Variants in EVI5 observed in about 807,000 individuals in gnomAD.
EVI5 encodes ecotropic viral integration site 5.
A neutral mutation model predicts 112.0 loss-of-function variants in EVI5; 73 were observed. The ratio of observed to expected loss-of-function variants is 0.65; its 90% CI spans 0.54 to 0.79. The LOEUF is 0.79. Among genes scored for constraint, EVI5 ranks in the 30% least tolerant of loss-of-function variants. The probability of loss-of-function intolerance (pLI) is 0.00; values close to 1 mark genes in which losing one functional copy is unlikely to be tolerated. For missense variants in EVI5, 900 were observed against 968.8 expected (o/e 0.93, Z 0.94); for synonymous variants, 305 against 319.9 (o/e 0.95, Z 0.50).
chr1:92,667,611 TATC>T (rs1665141144), intron 10 of EVI5, among the ~76,000 whole-genome samples: 1 of 152,174 alleles, frequency 6.6e-6, no homozygotes, highest in African/African-American at 2.4e-5. Flanking sequence ...CTTTATAAGT[TATC>T]TTTTCATTTT....
intron 18 of EVI5, among the ~76,000 whole-genome samples, chr1:92,598,689 T>C (rs1648480507): frequency 6.6e-6 from 1 of 152,176 alleles, no homozygotes; most frequent in Non-Finnish European, 1.5e-5. Flanking sequence ...TGTTCCCAAC[T>C]GAGCATTATA....
chr1:92,705,367 A>C (rs1671801110), intron 2 of EVI5, among the ~76,000 whole-genome samples: 1 of 152,198 alleles, frequency 6.6e-6, no homozygotes, highest in Admixed American at 6.5e-5. Context: ...GATTCTCTTG[A>C]AAAATAAAAA....
intron 9 of EVI5, 68 bp from the exon 10 acceptor site, chr1:92,677,286 T>C: frequency 1.2e-6 from 1 of 812,332 alleles, no homozygotes; most frequent in Non-Finnish European, 1.9e-6. Flanking sequence ...AATTACAAAA[T>C]TTAAAAATAC....
rs368291927 is a variant in EVI5 at position 92,551,681 on chromosome 1, G to A, written c.2166+11961C>T. On this transcript the variant is annotated intron_variant, in intron 19 of 19. Coordinates refer to ENST00000684568, the MANE Select transcript of EVI5 (RefSeq NM_001350197.2). ...TTATATTTCATTTTCTCATGTCTGC[G>A]ACCTAGTAAGAGTATGTTACCAGTA... Among the ~76,000 whole-genome samples the A allele has an allele frequency of 3.6e-4, 55 of 152,182 alleles. 1 individual carries two copies. The highest frequency in any genetic ancestry group is 1.2e-3 in the African/African-American group (51 of 41,502).
intron 1 of EVI5, among the ~76,000 whole-genome samples, chr1:92,757,606 GA>G (rs950161097): frequency 3.5e-5 from 5 of 144,070 alleles, no homozygotes; most frequent in East Asian, 4.0e-4. Context: ...TTTTTAAAAA[GA>G]AAAAAAAAAT....
At chr1:92,597,688 C>G (rs1648220313) in intron 18 of EVI5, among the ~76,000 whole-genome samples, 1 of 152,240 alleles carries the variant, frequency 6.6e-6, no homozygotes, top group African/African-American at 2.4e-5. Flanking sequence ...ATTCAAATAT[C>G]TACTGGTCAA....
At chr1:92,756,345 C>A in intron 1 of EVI5, 1 of 503,118 alleles carries the variant, frequency 2.0e-6, no homozygotes, top group South Asian at 1.5e-5. Context: ...AAACACTACA[C>A]AGCCAAATAT....
chr1:92,562,752 T>C (rs763658661), intron 19 of EVI5, among the ~76,000 whole-genome samples: 7 of 152,126 alleles, frequency 4.6e-5, no homozygotes, highest in Non-Finnish European at 1.0e-4. Context: ...CCAGGAGGTA[T>C]TACCCAAAAC....
At chr1:92,705,240 A>T (rs996623867) in intron 2 of EVI5, among the ~76,000 whole-genome samples, 8 of 152,228 alleles carry the variant, frequency 5.3e-5, no homozygotes, top group African/African-American at 1.9e-4. Context: ...GCCCAAACAA[A>T]AAGTATTTAT....
At chr1:92,761,043 G>A (rs900671674) in intron 1 of EVI5, among the ~76,000 whole-genome samples, 4 of 131,350 alleles carry the variant, frequency 3.0e-5, no homozygotes, top group African/African-American at 1.2e-4. Flanking sequence ...GGGCAACACA[G>A]CGAGGCTCCA....
chr1:92,527,619 C>T (rs1437366364), intron 19 of EVI5, among the ~76,000 whole-genome samples: 1 of 152,116 alleles, frequency 6.6e-6, no homozygotes, highest in Non-Finnish European at 1.5e-5. Flanking sequence ...AGAAGACTTC[C>T]ATGTGTCTTC....
At chr1:92,549,143 A>G (rs1666330941) in intron 19 of EVI5, among the ~76,000 whole-genome samples, 1 of 152,086 alleles carries the variant, frequency 6.6e-6, no homozygotes, top group Non-Finnish European at 1.5e-5. Flanking sequence ...CTGGTACCAA[A>G]ACAGAGATAT....
upstream of EVI5, chr1:92,785,109 A>C (rs1386344274): frequency 2.0e-5 from 20 of 985,184 alleles, no homozygotes; most frequent in Admixed American, 1.2e-3. Context: ...AGGAGAGCCC[A>C]AGGCGCAGGC....
At chr1:92,773,197 CA>C (rs34570423) in intron 1 of EVI5, among the ~76,000 whole-genome samples, 23 of 131,680 alleles carry the variant, frequency 1.7e-4, no homozygotes, top group African/African-American at 1.7e-4. Context: ...CAGGCTGTCT[CA>C]AAAAAAAAAA....
chr1:92,532,280 T>A (rs1174621939), intron 19 of EVI5, among the ~76,000 whole-genome samples: 1 of 152,158 alleles, frequency 6.6e-6, no homozygotes, highest in African/African-American at 2.4e-5. Flanking sequence ...CCCAGATTCA[T>A]AAAGCAAGTC....
At chr1:92,698,656 T>C (rs1406925374) in intron 5 of EVI5, among the ~76,000 whole-genome samples, 1 of 151,994 alleles carries the variant, frequency 6.6e-6, no homozygotes, top group African/African-American at 2.4e-5. Flanking sequence ...GGAGGAGAAA[T>C]AACAGGGAAC....
intron 18 of EVI5, among the ~76,000 whole-genome samples, chr1:92,595,225 C>T (rs1372604135): frequency 1.3e-5 from 2 of 151,846 alleles, no homozygotes; most frequent in Admixed American, 6.6e-5. Context: ...CCATGGAATA[C>T]TATGCAGCCA....
At chr1:92,756,570 G>A (rs1302601788) in intron 1 of EVI5, 7 of 511,872 alleles carry the variant, frequency 1.4e-5, no homozygotes, top group Non-Finnish European at 2.8e-5. Context: ...ATAATGATGT[G>A]AAAGAAGCAA....
intron 19 of EVI5, among the ~76,000 whole-genome samples, chr1:92,532,400 T>A (rs1663022321): frequency 6.6e-6 from 1 of 152,084 alleles, no homozygotes; most frequent in African/African-American, 2.4e-5. Context: ...AACAAGGATA[T>A]CCAGGGCTTA....
Sources: gnomAD v4.1 joint callset for allele counts (sites outside exome capture counted in the v4.1 genomes callset) on GRCh38, gnomAD v4.1.1 for gene constraint, MANE v1.5 for transcripts, NCBI Gene and HGNC (gene_info 2026-07-23, HGNC 2026-07-21) for gene names.